The following UBAC2 variants were observed in gnomAD, a reference collection of about 807,000 sequenced individuals.
The protein encoded by UBAC2 is ubiquitin-associated domain-containing protein 2.
In UBAC2, 26 loss-of-function variants were observed where a neutral mutation model predicts 44.0. The ratio of observed to expected loss-of-function variants is 0.59; its 90% confidence interval spans 0.43 to 0.82. The LOEUF (loss-of-function observed/expected upper bound fraction) is 0.82, where lower values mean the gene tolerates loss of function less well. Among genes scored for constraint, UBAC2 ranks in the 40% least tolerant of loss-of-function variants. The pLI is 0.00. For synonymous variants in UBAC2, 155 were observed against 154.3 expected, an observed-to-expected ratio of 1.00 and a Z score of -0.04; for missense variants, 329 against 419.4, an observed-to-expected ratio of 0.78 and a Z score of 1.88.
chr13:99,242,862 C>T (rs1190481343), intron 2 of UBAC2, among the ~76,000 whole-genome samples: 1 of 137,196 alleles, frequency 7.3e-6, no homozygotes. Context: ...ACGCTCCTCA[C>T]CTCCCAGACG....
intron 6 of UBAC2, among the ~76,000 whole-genome samples, chr13:99,338,044 T>TCC (rs2044820421): frequency 1.4e-5 from 1 of 74,036 alleles, no homozygotes; most frequent in Non-Finnish European, 2.9e-5. Flanking sequence ...TTTTTCTTTT[T>TCC]TTCTTTTTTT....
intron 7 of UBAC2, among the ~76,000 whole-genome samples, chr13:99,348,621 A>G (rs2045029775): frequency 6.6e-6 from 1 of 152,250 alleles, no homozygotes; most frequent in African/African-American, 2.4e-5. Context: ...TCATCCTGCC[A>G]GAAGTGGTGG....
rs193218266 is a variant in UBAC2, at chr13:99,255,097, G to A, written c.389+10473G>A. 177 of 1,614,054 alleles carry A rather than the reference G, an allele frequency of 1.1e-4. No individual in the cohort carries two copies. Among genetic ancestry groups the A allele is most frequent in the Middle Eastern group, 1.6e-4 (1 of 6,062 alleles). ...CCAGGGATTGTAACTGTTCTCCCCC[G>A]TTCCCAGCATCAGGAAAGCGAAACA... On this transcript the variant is annotated intron_variant, in intron 4 of 8. Transcript: ENST00000403766.
intron 4 of UBAC2, chr13:99,254,972 T>C (rs1321962431): frequency 6.2e-7 from 1 of 1,613,956 alleles, no homozygotes; most frequent in African/African-American, 1.3e-5. Context: ...CGGTATAGCA[T>C]GACACTAATG....
intron 1 of UBAC2, among the ~76,000 whole-genome samples, chr13:99,216,265 T>C (rs2042994404): frequency 6.6e-6 from 1 of 152,090 alleles, no homozygotes; most frequent in African/African-American, 2.4e-5. Flanking sequence ...CCACCACACC[T>C]GGCTAATTTT....
At chr13:99,362,357 G>A (rs568781078) in intron 7 of UBAC2, among the ~76,000 whole-genome samples, 150 of 152,014 alleles carry the variant, frequency 9.9e-4, no homozygotes, top group African/African-American at 3.3e-3. Flanking sequence ...CCTCATACAT[G>A]ACCCCTTCAG....
At chr13:99,226,031 T>TA (rs1351250549) in intron 1 of UBAC2, among the ~76,000 whole-genome samples, 2 of 152,244 alleles carry the variant, frequency 1.3e-5, no homozygotes, top group Non-Finnish European at 2.9e-5. Flanking sequence ...GTTTAGTTGA[T>TA]ATGTTTTCAT....
intron 4 of UBAC2, among the ~76,000 whole-genome samples, chr13:99,310,423 C>T (rs2044396619): frequency 6.6e-6 from 1 of 152,176 alleles, no homozygotes; most frequent in Non-Finnish European, 1.5e-5. Context: ...GAAAGGGCTT[C>T]CAGAAGGTAG....
rs2044609470 is a variant in UBAC2, at chr13:99,324,405, G to GT, written c.561+6336_561+6337insT. 3.4e-5 allele frequency among the ~76,000 whole-genome samples: 5 copies of GT among 148,568 alleles called. No homozygotes were observed. The South Asian group carries it at 1.2e-3, about 35-fold the overall frequency. ...GTTCCACCATTGCTCTGTCCCCTTT[G>GT]CCATGAGAAAAGCAGGGCCCGGAGA... is the stretch of plus-strand genomic sequence containing the variant. On this transcript the variant is annotated intron_variant, in intron 6 of 8. Transcript: ENST00000403766.
intron 4 of UBAC2, among the ~76,000 whole-genome samples, chr13:99,304,507 G>A (rs2044302667): frequency 1.3e-5 from 2 of 152,170 alleles, no homozygotes; most frequent in South Asian, 4.1e-4. Flanking sequence ...GGTGATGTAT[G>A]ATCGATATTC....
chr13:99,271,354 T>G (rs1162872521), intron 4 of UBAC2, among the ~76,000 whole-genome samples: 1 of 152,090 alleles, frequency 6.6e-6, no homozygotes, highest in Non-Finnish European at 1.5e-5. Flanking sequence ...ATTCCAGATA[T>G]CAGAGACTGC....
intron 6 of UBAC2, among the ~76,000 whole-genome samples, chr13:99,328,516 G>A (rs1232721195): frequency 6.6e-6 from 1 of 152,308 alleles, no homozygotes; most frequent in East Asian, 1.9e-4. Flanking sequence ...GGTATTGTCA[G>A]TTGTTTTAGC....
In UBAC2 at chr13:99,318,215, T is replaced by C. The variant is rs1201410285; in HGVS notation, c.561+146T>C. 2.2e-5 allele frequency: 18 copies of C among 806,580 alleles called. 1 individual carries two copies. The Admixed American group carries it at 3.7e-4, about 17-fold the overall frequency. The allele number at this position is 806,580 out of a possible 1,614,324, so 50.0% of individuals were successfully genotyped here. ...AGAATTTCACTCTTGTTGCCCAGGC[T>C]GGAGTGCAATGGCTCGATCTCAGCT... On this transcript the variant is annotated intron_variant, in intron 6 of 8. Coordinates refer to ENST00000403766, the MANE Select transcript of UBAC2 (RefSeq NM_001144072.2).
In UBAC2 at chr13:99,237,827, T is replaced by C. The variant is rs575089767; in HGVS notation, c.32-600T>C. 3.9e-4 allele frequency among the ~76,000 whole-genome samples: 60 copies of C among 152,188 alleles called. No homozygotes were observed. The Middle Eastern group carries it at 0.01, about 26-fold the overall frequency. ...AAAATTAGCCAGGCATGGTGGCACG[T>C]GCCTGTAATCCCAGCTACTCAGGAG... On this transcript the variant is annotated intron_variant, in intron 1 of 8. Transcript: ENST00000403766.
intron 4 of UBAC2, among the ~76,000 whole-genome samples, chr13:99,249,136 C>T (rs980628723): frequency 6.6e-6 from 1 of 152,074 alleles, no homozygotes; most frequent in Non-Finnish European, 1.5e-5. Flanking sequence ...AGGTAGTGAG[C>T]GTGGTATCCA....
rs376512484 is a variant in UBAC2, at chr13:99,337,051, GT to G, written c.562-3266del. 1.4e-3 allele frequency among the ~76,000 whole-genome samples: 207 copies of G among 152,192 alleles called. 2 individuals carry two copies. The highest frequency in any genetic ancestry group is 4.9e-3 in the African/African-American group (202 of 41,516). ...GTCTCGTTTTACTGCTTAGTGTGTG[GT>G]TTAGGTTCATTCATTCACAGAAGTG... On this transcript the variant is annotated intron_variant, in intron 6 of 8. Transcript: ENST00000403766.
At chr13:99,206,791 G>A (rs148176169) in intron 1 of UBAC2, among the ~76,000 whole-genome samples, 25 of 152,196 alleles carry the variant, frequency 1.6e-4, no homozygotes, top group African/African-American at 5.3e-4. Flanking sequence ...TTTTGTCTTC[G>A]GCTCAAGGCT....
At chr13:99,201,071 A>C (rs2042789363) in intron 1 of UBAC2, 132 bp downstream of exon 1, 2 of 1,331,828 alleles carry the variant, frequency 1.5e-6, no homozygotes, top group East Asian at 5.6e-5. Context: ...CCCGCGTCCG[A>C]ACCCTGCTAG....
rs985760206 is a variant in UBAC2 at position 99,259,823 on chromosome 13, G to C, written c.389+15199G>C. Among the ~76,000 whole-genome samples the C allele has an allele frequency of 2.6e-5, 4 of 152,212 alleles. No individual in the cohort carries two copies. The South Asian group carries it at 8.3e-4, about 31-fold the overall frequency. On this transcript the variant is annotated intron_variant, in intron 4 of 8. Transcript: ENST00000403766. The stretch of plus-strand genomic sequence containing the variant: ...TTCCCCATTGCTGCTAAAATCAACA[G>C]ATACATTGATGGCATGTGTCTAGAA...
Sources: gnomAD v4.1 joint callset for allele counts (sites outside exome capture counted in the v4.1 genomes callset) on GRCh38, gnomAD v4.1.1 for gene constraint, MANE v1.5 for transcripts, NCBI Gene and HGNC (gene_info 2026-07-23, HGNC 2026-07-21) for gene names.